PECAM1: variants seen among roughly 807,000 people sequenced by gnomAD.
The protein encoded by PECAM1 is platelet endothelial cell adhesion molecule.
In PECAM1, 8 loss-of-function variants were observed where a neutral mutation model predicts 13.8. The observed-to-expected ratio is 0.58, with a 90% CI of 0.34 to 1.05. The LOEUF (loss-of-function observed/expected upper bound fraction) is 1.05, where lower values mean the gene tolerates loss of function less well. PECAM1 is among the 50% of genes least tolerant of loss of function. The probability of loss-of-function intolerance (pLI) is 0.03; values close to 1 mark genes in which losing one functional copy is unlikely to be tolerated. For missense variants in PECAM1, 304 were observed against 141.2 expected (o/e 2.15, Z -5.84); for synonymous variants, 136 against 52.6 (o/e 2.58, Z -6.86).
chr17:64,330,796 G>C (rs2035093198), intron 14 of PECAM1, among the ~76,000 whole-genome samples: 1 of 150,906 alleles, frequency 6.6e-6, no homozygotes, highest in Non-Finnish European at 1.5e-5. Context: ...TGGCTTTTTT[G>C]GGGGTGGGGA....
intron 6 of PECAM1, among the ~76,000 whole-genome samples, chr17:64,361,702 G>A (rs1210374561): frequency 5.7e-5 from 7 of 123,604 alleles, no homozygotes; most frequent in East Asian, 5.2e-4. Context: ...GCAGTGAGCC[G>A]AGATCATGTC....
chr17:64,388,418 G>A (rs1462736750), intron 2 of PECAM1, among the ~76,000 whole-genome samples: 3 of 152,228 alleles, frequency 2.0e-5, no homozygotes, highest in African/African-American at 4.8e-5. Context: ...CAATCACCTC[G>A]AGGCGGGGGC....
In PECAM1 at chr17:64,322,248, T is replaced by G. The variant is rs2034824409; in HGVS notation, c.*1568A>C. On this transcript the variant is annotated 3_prime_UTR_variant, in exon 16 of 16. Transcript: ENST00000563924. ...TAAAAATACAAAAATTAGCCAGGCG[T>G]GGTGACATGTGCCTGTAATCCCAGC... 1 of 372,930 alleles carries G rather than the reference T, an allele frequency of 2.7e-6. No individual in the cohort carries two copies. Among genetic ancestry groups the G allele is most frequent in the Non-Finnish European group, 3.7e-6 (1 of 268,874 alleles). The allele number at this position is 372,930 out of a possible 1,614,324, so 23.1% of individuals were successfully genotyped here.
chr17:64,335,809 A>AC (rs1224896494), intron 14 of PECAM1, among the ~76,000 whole-genome samples: 5 of 152,316 alleles, frequency 3.3e-5, no homozygotes, highest in African/African-American at 1.2e-4. Flanking sequence ...GGAGGAAGGG[A>AC]CCCGCCCAAC....
intron 13 of PECAM1, among the ~76,000 whole-genome samples, chr17:64,343,885 A>C (rs1029878819): frequency 6.6e-6 from 1 of 151,854 alleles, no homozygotes; most frequent in Admixed American, 6.6e-5. Flanking sequence ...TCCCCAAGAC[A>C]CCCTCTGCTT....
chr17:64,386,946 T>C (rs2036606300), intron 2 of PECAM1, among the ~76,000 whole-genome samples: 1 of 151,038 alleles, frequency 6.6e-6, no homozygotes, highest in Admixed American at 6.6e-5. Flanking sequence ...AGTGTGAACT[T>C]AGGGGAGGAG....
At chr17:64,324,496 G>A (rs782078106) in intron 15 of PECAM1, among the ~76,000 whole-genome samples, 3 of 152,090 alleles carry the variant, frequency 2.0e-5, no homozygotes, top group Non-Finnish European at 4.4e-5. Flanking sequence ...ACCCATGTAC[G>A]CCCAGCACAG....
chr17:64,386,733 A>G (rs1409095939), intron 2 of PECAM1, among the ~76,000 whole-genome samples: 1 of 151,490 alleles, frequency 6.6e-6, no homozygotes. Context: ...GGAGTTTGAG[A>G]CCAGCCTGGG....
chr17:64,342,805 TACAC>T (rs2035468130), intron 13 of PECAM1, among the ~76,000 whole-genome samples: 3 of 151,994 alleles, frequency 2.0e-5, no homozygotes, highest in Admixed American at 1.3e-4. Flanking sequence ...TATACAAAAA[TACAC>T]ACACAGCATA....
chr17:64,327,605 A>T (rs1241694649), intron 15 of PECAM1, among the ~76,000 whole-genome samples: 1 of 152,174 alleles, frequency 6.6e-6, no homozygotes, highest in Non-Finnish European at 1.5e-5. Context: ...CAAGACTCTC[A>T]CAAGTCCAGA....
chr17:64,332,785 A>C (rs2035161184), intron 14 of PECAM1, among the ~76,000 whole-genome samples: 1 of 152,200 alleles, frequency 6.6e-6, no homozygotes, highest in African/African-American at 2.4e-5. Context: ...ACTGGGTGGC[A>C]GGGGATGCGG....
chr17:64,376,305 AAAATAAATAAATAAATAAAT>A (rs386627358), intron 3 of PECAM1, among the ~76,000 whole-genome samples: 1 of 148,410 alleles, frequency 6.7e-6, no homozygotes, highest in African/African-American at 2.5e-5. Context: ...ACTCTGTCTA[AAAATAAATAAATAAATAAAT>A]AAATAAATAA....
chr17:64,371,500 C>A (rs950623888), intron 4 of PECAM1, among the ~76,000 whole-genome samples: 24 of 152,020 alleles, frequency 1.6e-4, no homozygotes, highest in African/African-American at 5.1e-4. Flanking sequence ...TGGTGAGACC[C>A]TCCATCTCAA....
intron 2 of PECAM1, among the ~76,000 whole-genome samples, chr17:64,389,363 C>T (rs1206783843): frequency 1.3e-5 from 2 of 152,184 alleles, no homozygotes; most frequent in Non-Finnish European, 2.9e-5. Context: ...AGAAGCAGAA[C>T]AAAACCCTCT....
chr17:64,385,985 G>A (rs1474241926), intron 2 of PECAM1, among the ~76,000 whole-genome samples: 1 of 152,216 alleles, frequency 6.6e-6, no homozygotes, highest in Non-Finnish European at 1.5e-5. Context: ...CAGGAGGGGT[G>A]TGACAGCACC....
intron 2 of PECAM1, among the ~76,000 whole-genome samples, 198 bp from the exon 3 acceptor site, chr17:64,378,315 AC>A (rs1372842001): frequency 1.3e-5 from 2 of 152,146 alleles, no homozygotes; most frequent in Non-Finnish European, 2.9e-5. Context: ...CTAAGCTGCA[AC>A]TTTTCCCACC....
intron 2 of PECAM1, among the ~76,000 whole-genome samples, chr17:64,384,666 C>T (rs1009405530): frequency 1.6e-4 from 25 of 152,288 alleles, no homozygotes; most frequent in African/African-American, 6.0e-4. Flanking sequence ...CTCAGTCAAG[C>T]CTTCAGATAA....
chr17:64,335,788 A>C (rs2035261283), intron 14 of PECAM1, among the ~76,000 whole-genome samples: 1 of 152,216 alleles, frequency 6.6e-6, no homozygotes, highest in South Asian at 2.1e-4. Flanking sequence ...ATTAGCTTTA[A>C]CTGTGACAGA....
At chr17:64,371,908 A>C (rs111221637) in intron 4 of PECAM1, among the ~76,000 whole-genome samples, 139,536 of 152,222 alleles carry the variant, frequency 0.92, 64,684 homozygotes, top group East Asian at 1. Flanking sequence ...GTCAAATTTA[A>C]CTATCTTGTT....
Sources: gnomAD v4.1 joint callset for allele counts (sites outside exome capture counted in the v4.1 genomes callset) on GRCh38, gnomAD v4.1.1 for gene constraint, MANE v1.5 for transcripts, NCBI Gene and HGNC (gene_info 2026-07-23, HGNC 2026-07-21) for gene names.